DNAH17: variants seen among roughly 807,000 people sequenced by gnomAD.
DNAH17 encodes dynein axonemal heavy chain 17.
DNAH17 carries 376 observed loss-of-function variants against 485.6 expected under a neutral mutation model. That is an observed-to-expected ratio of 0.77 (90% CI 0.71 to 0.84). The LOEUF (loss-of-function observed/expected upper bound fraction) is 0.84, where lower values mean the gene tolerates loss of function less well. Among genes scored for constraint, DNAH17 ranks in the 40% least tolerant of loss-of-function variants. The pLI is 0.00. For missense variants in DNAH17, 6,370 were observed against 5,839.3 expected, an observed-to-expected ratio of 1.09 and a Z score of -2.96; for synonymous variants, 3,031 against 2,405.9, an observed-to-expected ratio of 1.26 and a Z score of -7.60.
intron 11 of DNAH17, among the ~76,000 whole-genome samples, chr17:78,562,902 C>T (rs1339378560): frequency 1.3e-5 from 2 of 152,154 alleles, no homozygotes; most frequent in African/African-American, 2.4e-5. Context: ...ACAGGGTCCC[C>T]CAGTGCTGGG....
At chr17:78,519,099 T>C (rs1297991760) in intron 25 of DNAH17, among the ~76,000 whole-genome samples, 3 of 126,870 alleles carry the variant, frequency 2.4e-5, no homozygotes, top group Admixed American at 1.1e-4. Flanking sequence ...ACCCAGGAGG[T>C]GGAGCTTACA....
At chr17:78,528,903 T>TC (rs901744043) in intron 22 of DNAH17, among the ~76,000 whole-genome samples, 9 of 150,188 alleles carry the variant, frequency 6.0e-5, no homozygotes, top group Admixed American at 6.0e-4. Flanking sequence ...CCACCAGCAC[T>TC]CCCACCAGAC....
chr17:78,534,165 C>G (rs1044210086), intron 19 of DNAH17, among the ~76,000 whole-genome samples: 1 of 152,234 alleles, frequency 6.6e-6, no homozygotes, highest in Non-Finnish European at 1.5e-5. Flanking sequence ...GCCAGTATTT[C>G]CCCTGCCCTA....
intron 38 of DNAH17, among the ~76,000 whole-genome samples, chr17:78,495,646 C>G (rs1042544409): frequency 6.6e-6 from 1 of 152,060 alleles, no homozygotes; most frequent in Non-Finnish European, 1.5e-5. Flanking sequence ...CCATCTTGAC[C>G]GGGCTGGTCT....
intron 54 of DNAH17, among the ~76,000 whole-genome samples, chr17:78,473,587 C>A (rs2088872747): frequency 6.7e-6 from 1 of 148,410 alleles, no homozygotes; most frequent in East Asian, 2.0e-4. Flanking sequence ...GATAGCAAAG[C>A]TGATTTGTGA....
In DNAH17 at chr17:78,525,039, T is replaced by C. The variant is rs17729253; in HGVS notation, c.3834A>G (p.Leu1278=). 0.23 allele frequency: 378,989 copies of C among 1,613,036 alleles called. 47,292 individuals are homozygous for C. The highest frequency in any genetic ancestry group is 0.3 in the Middle Eastern group (1,800 of 6,058). ...CAACCATGTCCCAGAGCTCCTTCAG[T>C]AGGCGGACCTCCCGGTGGCAGGCCT... ...QLKACHREVR[L]LKELWDMVVV... Residue 1278 remains leucine, a synonymous_variant, in exon 25 of 81, where the codon CTA becomes CTG. Coordinates refer to ENST00000389840, the MANE Select transcript of DNAH17 (RefSeq NM_173628.4).
intron 65 of DNAH17, 128 bp from the exon 66 acceptor site, chr17:78,451,801 G>A (rs2087566094): frequency 1.4e-6 from 1 of 728,694 alleles, no homozygotes; most frequent in African/African-American, 1.8e-5. Flanking sequence ...TCTGGTCCCT[G>A]GAAGAGCACT....
chr17:78,439,114 C>T lies in DNAH17; in HGVS notation c.11781G>A (p.Glu3927=), dbSNP rs2086969113. The T allele has an allele frequency of 6.2e-7, 1 of 1,613,396 alleles. No individual in the cohort carries two copies. Among genetic ancestry groups the T allele is most frequent in the Non-Finnish European group, 8.5e-7 (1 of 1,179,790 alleles). The part of the protein sequence containing the change: ...VAENALDVAA[E]KGHWVILQNI... ...CCTGCAGAATGACCCAGTGTCCTTT[C>T]TCTGCAGCCACGTCCAGGGCGTTCT... Residue 3927 remains glutamate (E), a synonymous_variant, in exon 73 of 81, where the codon GAG becomes GAA. Coordinates refer to ENST00000389840, the MANE Select transcript of DNAH17 (RefSeq NM_173628.4).
At chr17:78,540,614 A>G (rs12051653) in intron 17 of DNAH17, among the ~76,000 whole-genome samples, 51,621 of 71,618 alleles carry the variant, frequency 0.72, 19,411 homozygotes, top group African/African-American at 0.74. Context: ...ATAGATGAAT[A>G]GAGTGGGTAG....
intron 75 of DNAH17, among the ~76,000 whole-genome samples, chr17:78,431,723 G>A (rs1421930458): frequency 6.6e-6 from 1 of 152,084 alleles, no homozygotes; most frequent in Non-Finnish European, 1.5e-5. Context: ...AGGGAGGCCT[G>A]AGGACAGAGG....
Position 78,426,910 on chromosome 17 carries a change from G to C in DNAH17, c.12771+16C>G. ...CATCCAGCCACGTCCCTGGGGCCGG[G>C]CTGACCCATGTTTACCTTCAGCCCC... On this transcript the variant is annotated intron_variant, in intron 78 of 80. Coordinates refer to ENST00000389840, the MANE Select transcript of DNAH17 (RefSeq NM_173628.4). 6.3e-7 allele frequency: 1 copy of C among 1,589,752 alleles called. No homozygotes were observed. Among genetic ancestry groups the C allele is most frequent in the Non-Finnish European group, 8.6e-7 (1 of 1,167,840 alleles).
chr17:78,530,277 TG>T, intron 21 of DNAH17, 65 bp downstream of exon 21: 1 of 1,483,508 alleles, frequency 6.7e-7, no homozygotes, highest in Middle Eastern at 2.0e-4. Flanking sequence ...CCCACTCAAG[TG>T]GAAGGCCACT....
rs539458598 is a variant in DNAH17, at chr17:78,575,586, C to T, written c.-25-504G>A. On this transcript the variant is annotated intron_variant, in intron 1 of 80. Transcript: ENST00000389840. Reference sequence around the variant, plus strand: ...CTCAGCGCTCAGTCTTAGCCGCAGCCGTGGTGCACCTTAACTTTCACTCTG... The same window carrying T: ...CTCAGCGCTCAGTCTTAGCCGCAGCTGTGGTGCACCTTAACTTTCACTCTG... Among the ~76,000 whole-genome samples, 868 of 152,250 alleles carry T rather than the reference C, an allele frequency of 5.7e-3. 2 individuals are homozygous for T. Among genetic ancestry groups the T allele is most frequent in the African/African-American group, 0.02 (825 of 41,540 alleles).
intron 62 of DNAH17, 147 bp from the exon 63 acceptor site, chr17:78,455,983 G>A (rs1022184534): frequency 2.9e-6 from 2 of 696,608 alleles, no homozygotes; most frequent in Non-Finnish European, 4.4e-6. Flanking sequence ...GCTTTTGGGA[G>A]GAAATGCTTT....
intron 70 of DNAH17, among the ~76,000 whole-genome samples, 194 bp from the exon 71 acceptor site, chr17:78,444,991 C>T (rs1036751440): frequency 9.9e-5 from 15 of 152,174 alleles, no homozygotes; most frequent in Middle Eastern, 3.4e-3. Flanking sequence ...AGGACAGCGC[C>T]GGGAGCCTCC....
intron 75 of DNAH17, among the ~76,000 whole-genome samples, chr17:78,432,675 T>C (rs892320302): frequency 4.6e-5 from 7 of 152,214 alleles, no homozygotes; most frequent in African/African-American, 1.7e-4. Context: ...GGACACCCAA[T>C]GGGAGCACGT....
intron 13 of DNAH17, among the ~76,000 whole-genome samples, chr17:78,559,168 G>A (rs2092096832): frequency 6.6e-6 from 1 of 152,216 alleles, no homozygotes; most frequent in Admixed American, 6.5e-5. Flanking sequence ...GAGATGTCCA[G>A]TGTTGTGGCT....
chr17:78,567,730 T>C (rs766580282), intron 9 of DNAH17, among the ~76,000 whole-genome samples: 1 of 152,116 alleles, frequency 6.6e-6, no homozygotes, highest in African/African-American at 2.4e-5. Flanking sequence ...TCCCTGACTA[T>C]TTTGGCCCAT....
At position 78,526,982 on chromosome 17, in the gene DNAH17, G is replaced by C. The variant is rs1232877659; in HGVS notation, c.3522C>G (p.His1174Gln). Residue 1174 changes from histidine (H) to glutamine (Q), a missense_variant, in exon 23 of 81, where the codon CAC becomes CAG. Physicochemically the swap from His to Gln is conservative, Grantham distance 24. Transcript: ENST00000389840. ...IHLKLQELPE[H>Q]WANTKKLAIQ... ...TGGCCAGTTTCTTGGTATTTGCCCA[G>C]TGCTCCGGCAGCTCCTGCGGGAAGC... 5 of 1,581,096 alleles carry C rather than the reference G, an allele frequency of 3.2e-6. No individual in the cohort carries two copies. The African/African-American group carries it at 6.7e-5, about 21-fold the overall frequency.
Sources: allele counts gnomAD v4.1 joint callset (sites outside exome capture counted in the v4.1 genomes callset), GRCh38; gene constraint gnomAD v4.1.1; transcripts MANE v1.5; gene names NCBI Gene and HGNC (gene_info 2026-07-23, HGNC 2026-07-21).